ADAMTS6: variants seen among roughly 807,000 people sequenced by gnomAD.
The protein encoded by ADAMTS6 is ADAM metallopeptidase with thrombospondin type 1 motif 6.
A neutral mutation model predicts 144.3 loss-of-function variants in ADAMTS6; 23 were observed. The observed-to-expected ratio is 0.16, with a 90% CI of 0.11 to 0.23. The LOEUF (loss-of-function observed/expected upper bound fraction) is 0.23, where lower values mean the gene tolerates loss of function less well. Among genes scored for constraint, ADAMTS6 ranks in the 10% least tolerant of loss-of-function variants. The pLI, the probability that ADAMTS6 is intolerant of heterozygous loss-of-function variation, is 1.00. For missense variants in ADAMTS6, 999 were observed against 1,379.6 expected, an observed-to-expected ratio of 0.72 and a Z score of 4.37; for synonymous variants, 444 against 457.5, an observed-to-expected ratio of 0.97 and a Z score of 0.38.
chr5:65,470,397 T>C (rs982237366), intron 3 of ADAMTS6, among the ~76,000 whole-genome samples: 21 of 152,180 alleles, frequency 1.4e-4, no homozygotes, highest in African/African-American at 5.1e-4. Flanking sequence ...ATAAAAAGAA[T>C]GTCAGTGTTG....
At chr5:65,291,612 G>T in intron 10 of ADAMTS6, 142 bp from the exon 11 acceptor site, 1 of 824,350 alleles carries the variant, frequency 1.2e-6, no homozygotes. Context: ...TCACATGGCA[G>T]AACAGAATAG....
At chr5:65,313,302 T>G (rs1264135824) in intron 9 of ADAMTS6, among the ~76,000 whole-genome samples, 2 of 152,238 alleles carry the variant, frequency 1.3e-5, no homozygotes, top group South Asian at 2.1e-4. Flanking sequence ...TTGTTAGACT[T>G]TATTTTAATA....
At chr5:65,303,543 A>G (rs1414035697) in intron 9 of ADAMTS6, among the ~76,000 whole-genome samples, 2 of 152,042 alleles carry the variant, frequency 1.3e-5, no homozygotes, top group African/African-American at 4.8e-5. Flanking sequence ...TAAATCCAGA[A>G]GAAAATTTTC....
chr5:65,262,566 G>A (rs780308330), intron 13 of ADAMTS6, among the ~76,000 whole-genome samples: 1 of 152,048 alleles, frequency 6.6e-6, no homozygotes, highest in African/African-American at 2.4e-5. Context: ...TTAAAAGTCT[G>A]GCTTATCTGG....
intron 7 of ADAMTS6, among the ~76,000 whole-genome samples, chr5:65,436,284 C>G (rs1350319886): frequency 6.6e-6 from 1 of 152,112 alleles, no homozygotes; most frequent in East Asian, 1.9e-4. Context: ...GCACTCCTGC[C>G]TGGGTGACAG....
chr5:65,162,519 T>TAATCTTTA (rs1752838841), intron 24 of ADAMTS6, among the ~76,000 whole-genome samples: 1 of 152,108 alleles, frequency 6.6e-6, no homozygotes, highest in Admixed American at 6.5e-5. Context: ...TACTACTTCC[T>TAATCTTTA]AATCTTTAAA....
intron 15 of ADAMTS6, among the ~76,000 whole-genome samples, chr5:65,232,989 G>T (rs1297427115): frequency 6.6e-6 from 1 of 151,958 alleles, no homozygotes; most frequent in African/African-American, 2.4e-5. Flanking sequence ...AAATTAAAAG[G>T]ATCATTCATC....
intron 9 of ADAMTS6, among the ~76,000 whole-genome samples, chr5:65,321,708 C>CTTTTTTTTTTTTTT (rs529236363): frequency 6.3e-5 from 5 of 78,852 alleles, no homozygotes; most frequent in Admixed American, 2.0e-4. Context: ...TTTTCTTTTC[C>CTTTTTTTTTTTTTT]TTTTTTTTTT....
At chr5:65,340,615 T>C (rs1747727175) in intron 7 of ADAMTS6, among the ~76,000 whole-genome samples, 4 of 151,922 alleles carry the variant, frequency 2.6e-5, no homozygotes, top group Admixed American at 2.6e-4. Context: ...TATCTATTAA[T>C]AGTAACCTTG....
Position 65,151,554 on chromosome 5 carries a change from G to T in ADAMTS6, c.*282C>A. ...AACAGGCTATTGGATTTACTCGAAA[G>T]AACACAAACGCTCCACAGTAAGCAA... On this transcript the variant is annotated 3_prime_UTR_variant, in exon 25 of 25. Transcript: ENST00000381055. 2.7e-6 allele frequency: 1 copy of T among 364,662 alleles called. No individual in the cohort carries two copies. Among genetic ancestry groups the T allele is most frequent in the Non-Finnish European group, 5.0e-6 (1 of 200,746 alleles). 22.6% of individuals were successfully genotyped at this position (364,662 alleles called of 1,614,324 possible).
intron 7 of ADAMTS6, among the ~76,000 whole-genome samples, chr5:65,353,599 G>C (rs959848569): frequency 6.6e-6 from 1 of 151,804 alleles, no homozygotes; most frequent in Non-Finnish European, 1.5e-5. Flanking sequence ...ATTAACATTT[G>C]GAAAAAGCTT....
At chr5:65,168,110 G>A (rs1424182973) in intron 24 of ADAMTS6, among the ~76,000 whole-genome samples, 36 of 149,824 alleles carry the variant, frequency 2.4e-4, no homozygotes, top group African/African-American at 8.3e-4. Context: ...GTTTGCAGAC[G>A]ACATGATTGT....
chr5:65,151,641 C>T lies in ADAMTS6; in HGVS notation c.*195G>A, dbSNP rs758717470. ...TTCCCTCCTAATACCGTGTCCAGCA[C>T]TTTGGATCAATAAATCCCACTTCAC... On this transcript the variant is annotated 3_prime_UTR_variant, in exon 25 of 25. Coordinates refer to ENST00000381055, the MANE Select transcript of ADAMTS6 (RefSeq NM_197941.4). 5.1e-5 allele frequency: 27 copies of T among 534,308 alleles called. No individual in the cohort carries two copies. The highest frequency in any genetic ancestry group is 7.7e-5 in the Non-Finnish European group (23 of 297,976). The allele number at this position is 534,308 out of a possible 1,614,324, so 33.1% of individuals were successfully genotyped here.
intron 7 of ADAMTS6, among the ~76,000 whole-genome samples, chr5:65,354,985 A>G (rs1749189218): frequency 6.6e-6 from 1 of 151,856 alleles, no homozygotes; most frequent in Admixed American, 6.6e-5. Context: ...TTCATTTGCC[A>G]ATTCAAATAT....
chr5:65,467,189 A>T (rs1007341204), intron 3 of ADAMTS6, among the ~76,000 whole-genome samples: 1 of 152,106 alleles, frequency 6.6e-6, no homozygotes, highest in African/African-American at 2.4e-5. Context: ...AACAAAAAAG[A>T]AAACAATGGA....
In ADAMTS6 at chr5:65,215,000, C is replaced by A; in HGVS notation, c.2437-68G>T. The A allele has an allele frequency of 6.6e-7, 1 of 1,517,570 alleles. No individual in the cohort carries two copies. The highest frequency in any genetic ancestry group is 1.3e-5 in the South Asian group (1 of 76,664). The allele number at this position is 1,517,570 out of a possible 1,614,324, so 94.0% of individuals were successfully genotyped here. A position where few individuals can be genotyped will look rare whatever the true frequency, so the allele number is the denominator to read the frequency against. On this transcript the variant is annotated intron_variant, in intron 19 of 24. Coordinates refer to ENST00000381055, the MANE Select transcript of ADAMTS6 (RefSeq NM_197941.4). This position sits in a 1 kb window ranked among gnomAD's most constrained non-coding sequence, Gnocchi z 4.6. ...AGCCTTCATTCAGATATTTATTATT[C>A]CTTTTGAAGAAGAAAATGTCAAAAC...
chr5:65,375,124 G>C (rs1411514511), intron 7 of ADAMTS6, among the ~76,000 whole-genome samples: 1 of 152,146 alleles, frequency 6.6e-6, no homozygotes, highest in East Asian at 1.9e-4. Context: ...ATGGATTAAA[G>C]ATTTAAACGT....
intron 9 of ADAMTS6, among the ~76,000 whole-genome samples, chr5:65,311,534 G>A (rs149019766): frequency 1.3e-5 from 2 of 152,036 alleles, no homozygotes; most frequent in African/African-American, 4.8e-5. Context: ...TCCTTACATA[G>A]GGTAAAAGCA....
At chr5:65,300,169 A>G (rs756568184) in intron 9 of ADAMTS6, 38 bp from the exon 10 acceptor site, 2 of 1,587,522 alleles carry the variant, frequency 1.3e-6, no homozygotes, top group Admixed American at 3.6e-5. Context: ...TAAATAAATA[A>G]GAAAAAAACC....
Sources: allele counts gnomAD v4.1 joint callset (sites outside exome capture counted in the v4.1 genomes callset), GRCh38; gene constraint gnomAD v4.1.1; non-coding constraint Gnocchi (gnomAD v3.1); transcripts MANE v1.5; gene names NCBI Gene and HGNC (gene_info 2026-07-23, HGNC 2026-07-21).